PIK3R1: variants seen among roughly 807,000 people sequenced by gnomAD.
The protein encoded by PIK3R1 is phosphatidylinositol 3-kinase regulatory subunit alpha.
Under a neutral mutation model 98.0 loss-of-function variants are expected in PIK3R1, and 29 were observed. The ratio of observed to expected loss-of-function variants is 0.30; its 90% CI spans 0.22 to 0.40. The LOEUF is 0.40. Among genes scored for constraint, PIK3R1 ranks in the 10% least tolerant of loss-of-function variants. The pLI, the probability that PIK3R1 is intolerant of heterozygous loss-of-function variation, is 1.00. For synonymous variants in PIK3R1, 282 were observed against 311.8 expected, an observed-to-expected ratio of 0.90 and a Z score of 1.01; for missense variants, 596 against 872.7, an observed-to-expected ratio of 0.68 and a Z score of 3.99.
chr5:68,293,938 G>A (rs1730770013), intron 11 of PIK3R1, 104 bp downstream of exon 11: 1 of 859,876 alleles, frequency 1.2e-6, no homozygotes, highest in South Asian at 1.7e-5. Flanking sequence ...GAATGAGGTG[G>A]GGGTGAGAGC....
At chr5:68,232,194 AT>A (rs774837324) in intron 2 of PIK3R1, among the ~76,000 whole-genome samples, 1 of 152,246 alleles carries the variant, frequency 6.6e-6, no homozygotes, top group Non-Finnish European at 1.5e-5. Flanking sequence ...TGCATATTAA[AT>A]TACTTATTGC....
At chr5:68,263,975 T>A (rs1328925941) in intron 2 of PIK3R1, among the ~76,000 whole-genome samples, 1 of 152,168 alleles carries the variant, frequency 6.6e-6, no homozygotes. Flanking sequence ...AAATATATAT[T>A]TTTAAAAAGT....
intron 2 of PIK3R1, among the ~76,000 whole-genome samples, chr5:68,264,923 G>A (rs1664577): frequency 4.6e-5 from 7 of 152,260 alleles, no homozygotes; most frequent in Admixed American, 3.9e-4. Flanking sequence ...AGCTAGACCC[G>A]CCGGTCCGTC....
At chr5:68,278,010 C>CTGA (rs972046615) in intron 4 of PIK3R1, among the ~76,000 whole-genome samples, 4 of 152,118 alleles carry the variant, frequency 2.6e-5, no homozygotes, top group African/African-American at 9.7e-5. Context: ...AGTGTACATC[C>CTGA]TTCAGCAGCA....
chr5:68,292,093 A>AT (rs540174708), intron 7 of PIK3R1, 166 bp from the exon 8 acceptor site: 125 of 448,996 alleles, frequency 2.8e-4, no homozygotes, highest in Non-Finnish European at 1.8e-4. Context: ...GCTCTGAAAG[A>AT]TTTTTTTTAA....
intron 2 of PIK3R1, among the ~76,000 whole-genome samples, chr5:68,264,718 A>G (rs75667865): frequency 0.027 from 4,097 of 152,270 alleles, 87 homozygotes; most frequent in African/African-American, 0.05. Flanking sequence ...GTGGCGAGGT[A>G]GGAAAGGCTC....
chr5:68,249,181 C>A (rs936758394), intron 2 of PIK3R1, among the ~76,000 whole-genome samples: 2 of 152,180 alleles, frequency 1.3e-5, no homozygotes, highest in Non-Finnish European at 2.9e-5. Flanking sequence ...CTATTTTTGT[C>A]TCTTCCTTTA....
chr5:68,227,096 C>T (rs1333164219), intron 2 of PIK3R1, 87 bp downstream of exon 2: 1 of 1,251,306 alleles, frequency 8.0e-7, no homozygotes, highest in African/African-American at 1.5e-5. Context: ...TCGTTATGTT[C>T]TGGGCAGAAG....
chr5:68,290,946 T>C (rs981295327), intron 7 of PIK3R1: 1 of 697,568 alleles, frequency 1.4e-6, no homozygotes, highest in Non-Finnish European at 2.3e-6. Flanking sequence ...ATTTGTTTCA[T>C]TGATAAAAAT....
At chr5:68,261,335 C>T (rs771549833) in intron 2 of PIK3R1, among the ~76,000 whole-genome samples, 5 of 152,094 alleles carry the variant, frequency 3.3e-5, no homozygotes, top group South Asian at 2.1e-4. Flanking sequence ...GGCCTGGAGA[C>T]ATTAAATGTT....
intron 2 of PIK3R1, among the ~76,000 whole-genome samples, chr5:68,259,305 GC>G (rs1207970718): frequency 6.6e-6 from 1 of 152,106 alleles, no homozygotes; most frequent in Non-Finnish European, 1.5e-5. Flanking sequence ...TTGTGATGTG[GC>G]TACTAGAAAA....
intron 3 of PIK3R1, 170 bp from the exon 4 acceptor site, chr5:68,273,769 T>C: frequency 1.5e-6 from 1 of 658,374 alleles, no homozygotes. Context: ...TTTGCCAAAA[T>C]TATCAACATG....
intron 12 of PIK3R1, 54 bp from the exon 13 acceptor site, chr5:68,295,094 G>T: frequency 6.9e-7 from 1 of 1,445,960 alleles, no homozygotes; most frequent in South Asian, 1.4e-5. Context: ...ATAAACTTTG[G>T]GGACCGTTCC....
chr5:68,236,410 C>T (rs939046670), intron 2 of PIK3R1, among the ~76,000 whole-genome samples: 16 of 150,586 alleles, frequency 1.1e-4, no homozygotes, highest in African/African-American at 3.4e-4. Context: ...CCACCACGCC[C>T]GTCTAATTTT....
chr5:68,273,908 T>C (rs761024952), intron 3 of PIK3R1, 31 bp from the exon 4 acceptor site: 1 of 1,573,458 alleles, frequency 6.4e-7, no homozygotes, highest in East Asian at 2.2e-5. Context: ...GTGTTTTGCA[T>C]ACATGGTCTG....
rs537142035 is a variant in PIK3R1 at position 68,279,762 on chromosome 5, T to G, written c.634+29T>G. Reference sequence around the variant, plus strand: ...TGTTTTTTCTCTTCTGGGAACCTCATTGAACATACATGGAGATGTAGAGGT... The same window carrying G: ...TGTTTTTTCTCTTCTGGGAACCTCAGTGAACATACATGGAGATGTAGAGGT... On this transcript the variant is annotated intron_variant, in intron 5 of 15. Transcript: ENST00000521381. 27 of 1,609,944 alleles carry G rather than the reference T, an allele frequency of 1.7e-5. No homozygotes were observed. The South Asian group carries it at 2.6e-4, about 16-fold the overall frequency.
intron 2 of PIK3R1, among the ~76,000 whole-genome samples, chr5:68,234,658 C>T (rs191865871): frequency 1.2e-4 from 19 of 152,244 alleles, no homozygotes; most frequent in African/African-American, 4.1e-4. Flanking sequence ...TGTGCAGTAG[C>T]GCTAAACTCG....
At position 68,292,270 on chromosome 5, in the gene PIK3R1, A is replaced by C. The variant is rs1747437356; in HGVS notation, c.928A>C (p.Lys310Gln). The C allele has an allele frequency of 6.2e-7, 1 of 1,611,826 alleles. No individual in the cohort carries two copies. Among genetic ancestry groups the C allele is most frequent in the Non-Finnish European group, 8.5e-7 (1 of 1,178,588 alleles). The change falls in exon 8 of 16, where the codon AAA (lysine) becomes CAA (glutamine). Residue 310 changes from lysine to glutamine, a missense_variant. Lys to Gln is a moderately conservative substitution (Grantham distance 53). Around this residue, in one of 3 missense-constraint regions of PIK3R1, gnomAD observed 352 missense variants for 393.3 expected, o/e 0.90. Coordinates refer to ENST00000521381, the MANE Select transcript of PIK3R1 (RefSeq NM_181523.3). ...ERQPAPALPP[K>Q]PPKPTTVANN... ...TTTTTCATCTGCAGCACTGCCTCCTAAACCACCAAAACCTACTACTGTAGC... is the reference window on the plus strand; with the variant it reads ...TTTTTCATCTGCAGCACTGCCTCCTCAACCACCAAAACCTACTACTGTAGC...
At chr5:68,244,926 C>CA (rs1258790969) in intron 2 of PIK3R1, among the ~76,000 whole-genome samples, 6 of 152,154 alleles carry the variant, frequency 3.9e-5, no homozygotes, top group African/African-American at 1.4e-4. Flanking sequence ...AACCTCTCTG[C>CA]ATCCCCTTGG....
Sources: gnomAD v4.1 joint callset for allele counts (sites outside exome capture counted in the v4.1 genomes callset) on GRCh38, gnomAD v4.1.1 for gene constraint, gnomAD v4.1.1 regional missense constraint, MANE v1.5 for transcripts, NCBI Gene and HGNC (gene_info 2026-07-23, HGNC 2026-07-21) for gene names.